FBXW11: variants seen among roughly 807,000 people sequenced by gnomAD.
The protein encoded by FBXW11 is F-box and WD repeat domain containing 11, also known as F-box/WD repeat-containing protein 11.
FBXW11 carries 19 observed loss-of-function variants against 77.6 expected under a neutral mutation model. The ratio of observed to expected loss-of-function variants is 0.24; its 90% confidence interval spans 0.17 to 0.36. FBXW11 has a LOEUF of 0.36. Ranked by LOEUF, FBXW11 falls within the 10% of genes least tolerant of loss-of-function variation. The pLI, the probability that FBXW11 is intolerant of heterozygous loss-of-function variation, is 1.00. For missense variants in FBXW11, 334 were observed against 704.2 expected, an observed-to-expected ratio of 0.47 and a Z score of 5.95; for synonymous variants, 235 against 249.4, an observed-to-expected ratio of 0.94 and a Z score of 0.54.
chr5:171,872,733 C>T, intron 10 of FBXW11, 139 bp downstream of exon 10: 1 of 665,620 alleles, frequency 1.5e-6, no homozygotes, highest in East Asian at 2.6e-5. Flanking sequence ...AGCCCAAATA[C>T]ATTTCTAAAA....
chr5:171,862,973 G>T lies in FBXW11; in HGVS notation c.*1154C>A, dbSNP rs1352506942. The T allele has an allele frequency of 6.6e-6, 1 of 152,224 alleles. No individual in the cohort carries two copies. The highest frequency in any genetic ancestry group is 1.9e-4 in the East Asian group (1 of 5,204). The allele number at this position is 152,224 out of a possible 1,614,324, so 9.4% of individuals were successfully genotyped here. A position where few individuals can be genotyped will look rare whatever the true frequency, so the allele number is the denominator to read the frequency against. Reference sequence around the variant, plus strand: ...ATGATTTTTGACAGCGAAGCCAAATGAATACTATGGGAGGTGACCACTTGT... The same window carrying T: ...ATGATTTTTGACAGCGAAGCCAAATTAATACTATGGGAGGTGACCACTTGT... On this transcript the variant is annotated 3_prime_UTR_variant, in exon 14 of 14. Coordinates refer to ENST00000517395, the MANE Select transcript of FBXW11 (RefSeq NM_001378974.1).
Position 171,934,433 on chromosome 5 carries a change from C to T in FBXW11, c.148-20028G>A, listed in dbSNP as rs994045226. 2.1e-4 allele frequency among the ~76,000 whole-genome samples: 32 copies of T among 152,164 alleles called. 1 individual carries two copies. The highest frequency in any genetic ancestry group is 2.0e-3 in the Admixed American group (31 of 15,290). ...TGCCTCATGCCTTGTAATCCCAGCACTTTGGGGGCCGAGGCATGCAGATCA... is the reference window on the plus strand; with the variant it reads ...TGCCTCATGCCTTGTAATCCCAGCATTTTGGGGGCCGAGGCATGCAGATCA... On this transcript the variant is annotated intron_variant, in intron 2 of 13. Coordinates refer to ENST00000517395, the MANE Select transcript of FBXW11 (RefSeq NM_001378974.1).
At chr5:171,963,703 T>C (rs2113363602) in intron 1 of FBXW11, among the ~76,000 whole-genome samples, 1 of 151,312 alleles carries the variant, frequency 6.6e-6, no homozygotes, top group Non-Finnish European at 1.5e-5. Flanking sequence ...GGGATGGAGG[T>C]TTTTAGATTA....
chr5:171,995,354 C>T (rs1490003465), intron 1 of FBXW11, among the ~76,000 whole-genome samples: 1 of 152,204 alleles, frequency 6.6e-6, no homozygotes, highest in East Asian at 1.9e-4. Flanking sequence ...CTCTCCTATA[C>T]TCCCTAAATT....
chr5:171,918,939 A>C (rs1282427234), intron 2 of FBXW11, among the ~76,000 whole-genome samples: 1 of 152,142 alleles, frequency 6.6e-6, no homozygotes, highest in Non-Finnish European at 1.5e-5. Flanking sequence ...GGGCTCCTAA[A>C]CTTGACACCG....
intron 2 of FBXW11, among the ~76,000 whole-genome samples, chr5:171,948,468 T>C (rs1272821483): frequency 2.0e-5 from 3 of 152,022 alleles, no homozygotes; most frequent in Non-Finnish European, 2.9e-5. Flanking sequence ...CCAGGCATGG[T>C]GGCTCATGCC....
intron 9 of FBXW11, among the ~76,000 whole-genome samples, chr5:171,873,883 G>T (rs769595375): frequency 6.6e-6 from 1 of 152,102 alleles, no homozygotes; most frequent in African/African-American, 2.4e-5. Flanking sequence ...GTAGCTGAAT[G>T]GGATAGATAA....
chr5:171,943,021 T>C (rs1762827711), intron 2 of FBXW11, among the ~76,000 whole-genome samples: 1 of 152,172 alleles, frequency 6.6e-6, no homozygotes, highest in Admixed American at 6.5e-5. Flanking sequence ...CAATTTTTCA[T>C]TTCTTATTGT....
At chr5:171,929,744 C>T (rs368587074) in intron 2 of FBXW11, among the ~76,000 whole-genome samples, 63 of 151,900 alleles carry the variant, frequency 4.1e-4, no homozygotes, top group South Asian at 2.5e-3. Flanking sequence ...CCCAGCTACT[C>T]GGGAGGCTGA....
In FBXW11 at chr5:171,878,129, T is replaced by C. The variant is rs766938293; in HGVS notation, c.853A>G (p.Ile285Val). Residue 285 changes from isoleucine to valine, a missense_variant and splice_region_variant, in exon 8 of 14, where the codon ATA (isoleucine) becomes GTA (valine). Physicochemically the swap from Ile to Val is conservative, Grantham distance 29. Around this residue, in one of 10 missense-constraint regions of FBXW11, gnomAD observed 70 missense variants for 136.6 expected, o/e 0.51. Transcript: ENST00000517395. ...ISGLRDNSIKIWDKTSLECLK... is the reference protein window; with the variant it reads ...ISGLRDNSIKVWDKTSLECLK... Reference sequence around the variant, plus strand: ...CATTCCAGGCTGGTTTTATCCCATATCTATTGAGACAAGATTAGCCACAAA... The same window carrying C: ...CATTCCAGGCTGGTTTTATCCCATACCTATTGAGACAAGATTAGCCACAAA... 1 of 1,605,890 alleles carries C rather than the reference T, an allele frequency of 6.2e-7. No homozygotes were observed. Among genetic ancestry groups the C allele is most frequent in the African/African-American group, 1.3e-5 (1 of 74,724 alleles).
intron 1 of FBXW11, among the ~76,000 whole-genome samples, chr5:171,985,725 C>T (rs1445434488): frequency 6.6e-6 from 1 of 152,100 alleles, no homozygotes; most frequent in Non-Finnish European, 1.5e-5. Flanking sequence ...TATGACTGCA[C>T]CTCTGCACCA....
chr5:171,934,620 C>T (rs1038213319), intron 2 of FBXW11, among the ~76,000 whole-genome samples: 2 of 147,632 alleles, frequency 1.4e-5, no homozygotes, highest in South Asian at 2.1e-4. Context: ...GAGGTTGCAG[C>T]GAGCCAAGAT....
intron 2 of FBXW11, among the ~76,000 whole-genome samples, chr5:171,940,994 TG>T (rs1762725122): frequency 6.6e-6 from 1 of 151,986 alleles, no homozygotes; most frequent in Admixed American, 6.6e-5. Context: ...AATAACGTAC[TG>T]AATAAAATAG....
chr5:171,877,728 T>C (rs1185432159), intron 8 of FBXW11, among the ~76,000 whole-genome samples: 1 of 152,192 alleles, frequency 6.6e-6, no homozygotes, highest in Non-Finnish European at 1.5e-5. Flanking sequence ...CTCTCTGCTC[T>C]GGACCACATA....
intron 1 of FBXW11, among the ~76,000 whole-genome samples, chr5:171,973,854 A>T (rs1764669414): frequency 6.6e-6 from 1 of 152,202 alleles, no homozygotes; most frequent in Non-Finnish European, 1.5e-5. Context: ...TAGACTATTA[A>T]TTTAAAATAT....
intron 2 of FBXW11, among the ~76,000 whole-genome samples, chr5:171,930,762 TAAAAAA>T (rs59700625): frequency 4.0e-5 from 5 of 126,536 alleles, no homozygotes; most frequent in Admixed American, 7.9e-5. Flanking sequence ...AATAAAAAAA[TAAAAAA>T]AAAAAAAAGA....
At chr5:171,908,285 C>T (rs751095789) in intron 4 of FBXW11, among the ~76,000 whole-genome samples, 3 of 152,164 alleles carry the variant, frequency 2.0e-5, no homozygotes, top group Non-Finnish European at 2.9e-5. Flanking sequence ...CCCTGGATCC[C>T]TCCCTCATAA....
rs182561125 is a variant in FBXW11, at chr5:171,970,049, A to G, written c.46-12351T>C. Among the ~76,000 whole-genome samples the G allele has an allele frequency of 3.2e-3, 485 of 152,306 alleles. 2 individuals carry two copies. Among genetic ancestry groups the G allele is most frequent in the African/African-American group, 0.011 (465 of 41,564 alleles). The stretch of plus-strand genomic sequence containing the variant: ...CATCTTTTGTAGACTTAACACTTCC[A>G]AAGACTTTGAAAGTCCATCTAACAT... On this transcript the variant is annotated intron_variant, in intron 1 of 13. Transcript: ENST00000517395.
At chr5:171,866,480 G>T (rs953663061) in intron 13 of FBXW11, among the ~76,000 whole-genome samples, 5 of 152,094 alleles carry the variant, frequency 3.3e-5, no homozygotes, top group Admixed American at 3.3e-4. Context: ...TCCAAAAAAG[G>T]TAGGTAGGAG....
Sources: gnomAD v4.1 joint callset for allele counts (sites outside exome capture counted in the v4.1 genomes callset) on GRCh38, gnomAD v4.1.1 for gene constraint, gnomAD v4.1.1 regional missense constraint, MANE v1.5 for transcripts, NCBI Gene and HGNC (gene_info 2026-07-23, HGNC 2026-07-21) for gene names.